Variants in CLIP1 observed in about 807,000 individuals in gnomAD.
CLIP1 encodes the protein CAP-Gly domain containing linker protein 1.
In CLIP1, 66 loss-of-function variants were observed where a neutral mutation model predicts 161.6. The observed-to-expected ratio is 0.41, with a 90% CI of 0.33 to 0.50. CLIP1 has a LOEUF of 0.50. Ranked by LOEUF, CLIP1 falls within the 20% of genes least tolerant of loss-of-function variation. The pLI is 0.27. For synonymous variants in CLIP1, 598 were observed against 626.2 expected, an observed-to-expected ratio of 0.96 and a Z score of 0.67; for missense variants, 1,376 against 1,702.0, an observed-to-expected ratio of 0.81 and a Z score of 3.37.
intron 3 of CLIP1, among the ~76,000 whole-genome samples, chr12:122,375,970 G>A (rs561654943): frequency 1.3e-5 from 2 of 151,798 alleles, no homozygotes; most frequent in African/African-American, 4.8e-5. Flanking sequence ...ATGGAGTCTT[G>A]CTTTGTTGCC....
At chr12:122,357,818 G>C (rs1953542913) in intron 5 of CLIP1, among the ~76,000 whole-genome samples, 2 of 149,402 alleles carry the variant, frequency 1.3e-5, no homozygotes, top group Admixed American at 1.3e-4. Context: ...GGAGGTGGGG[G>C]GGGTCAGCCC....
At chr12:122,346,426 G>C (rs755707230) in intron 10 of CLIP1, among the ~76,000 whole-genome samples, 1 of 152,174 alleles carries the variant, frequency 6.6e-6, no homozygotes, top group African/African-American at 2.4e-5. Context: ...CAAGGGCTAA[G>C]CACAATGAGC....
intron 1 of CLIP1, among the ~76,000 whole-genome samples, chr12:122,382,357 G>A (rs546034238): frequency 4.7e-5 from 7 of 149,430 alleles, no homozygotes; most frequent in South Asian, 4.2e-4. Context: ...GCAAAACTCC[G>A]TCTCAAAAAA....
At chr12:122,313,683 C>T (rs1285452423) in intron 19 of CLIP1, among the ~76,000 whole-genome samples, 1 of 152,072 alleles carries the variant, frequency 6.6e-6, no homozygotes, top group Non-Finnish European at 1.5e-5. Context: ...TGCCACTGCA[C>T]TCCATCCTGG....
chr12:122,362,639 C>CAAAAAA (rs56183812), intron 4 of CLIP1, among the ~76,000 whole-genome samples: 1 of 19,130 alleles, frequency 5.2e-5, no homozygotes. Flanking sequence ...GACTCCATCT[C>CAAAAAA]AAAAAAAAAA....
At chr12:122,412,354 T>G (rs917663322) in intron 1 of CLIP1, among the ~76,000 whole-genome samples, 3 of 147,994 alleles carry the variant, frequency 2.0e-5, no homozygotes, top group African/African-American at 7.4e-5. Context: ...CCAAAAAAAT[T>G]TTTTAATAAG....
chr12:122,306,629 A>G (rs1265619497), intron 20 of CLIP1, among the ~76,000 whole-genome samples: 1 of 152,188 alleles, frequency 6.6e-6, no homozygotes, highest in East Asian at 1.9e-4. Context: ...ATCAGAGGCC[A>G]TGACCTTTAA....
intron 1 of CLIP1, among the ~76,000 whole-genome samples, chr12:122,383,628 C>T (rs552528215): frequency 2.5e-4 from 38 of 152,276 alleles, no homozygotes; most frequent in Non-Finnish European, 2.8e-4. Flanking sequence ...GCAGCAACAA[C>T]GCCAGTGTTG....
At position 122,309,796 on chromosome 12, in the gene CLIP1, C is replaced by T; in HGVS notation, c.3560G>A (p.Gly1187Glu). 1.2e-6 allele frequency: 2 copies of T among 1,613,226 alleles called. No individual in the cohort carries two copies. The highest frequency in any genetic ancestry group is 1.1e-5 in the South Asian group (1 of 91,040). Residue 1187 changes from glycine (G) to glutamate (E), a missense_variant, in exon 20 of 26, where the codon GGG (glycine) becomes GAG (glutamate). Physicochemically the swap from Gly to Glu is moderately conservative, Grantham distance 98. Around this residue, in one of 6 missense-constraint regions of CLIP1, gnomAD observed 948 missense variants for 1,134.8 expected, o/e 0.84. Transcript: ENST00000620786. ...ACTTGTGACTTCGTCCCTGCTTCTC[C>T]CCAGCTCCTCAGCAAGTTTAACGTT... ...EENVKLAEEL[G>E]RSRDEVTSHQ...
intron 17 of CLIP1, among the ~76,000 whole-genome samples, chr12:122,321,436 G>A (rs1226904392): frequency 6.6e-6 from 1 of 152,058 alleles, no homozygotes; most frequent in Non-Finnish European, 1.5e-5. Context: ...AGTAGAGACA[G>A]GGTTTCACCA....
At chr12:122,348,853 AG>A (rs1246308241) in intron 9 of CLIP1, among the ~76,000 whole-genome samples, 1 of 152,214 alleles carries the variant, frequency 6.6e-6, no homozygotes, top group South Asian at 2.1e-4. Flanking sequence ...GCTTCAGTAG[AG>A]GGGGGAATGT....
chr12:122,278,040 C>G (rs575300353), intron 24 of CLIP1, 114 bp downstream of exon 24: 40 of 880,550 alleles, frequency 4.5e-5, no homozygotes, highest in Middle Eastern at 4.4e-4. Context: ...AATGCATTAC[C>G]AATTCAAAAG....
chr12:122,310,084 T>A (rs1474712325), intron 19 of CLIP1, among the ~76,000 whole-genome samples: 1 of 152,092 alleles, frequency 6.6e-6, no homozygotes, highest in Non-Finnish European at 1.5e-5. Flanking sequence ...CCACCCACAA[T>A]TATTACATTT....
chr12:122,355,580 G>A lies in CLIP1; in HGVS notation c.1006-268C>T, dbSNP rs1001800018. Reference sequence around the variant, plus strand: ...TCCTAGCACTTCAGGAGGCCAAGGCGGGTGGATCACTTGAGGCCAGGAGTT... The same window carrying A: ...TCCTAGCACTTCAGGAGGCCAAGGCAGGTGGATCACTTGAGGCCAGGAGTT... On this transcript the variant is annotated intron_variant, in intron 5 of 25. Transcript: ENST00000620786. This position sits in a 1 kb window ranked among gnomAD's most constrained non-coding sequence, Gnocchi z 4.1. 2.1e-5 allele frequency: 8 copies of A among 379,112 alleles called. No homozygotes were observed. Among genetic ancestry groups the A allele is most frequent in the Admixed American group, 4.3e-5 (1 of 23,118 alleles). 23.5% of individuals were successfully genotyped at this position (379,112 alleles called of 1,614,324 possible). A position where few individuals can be genotyped will look rare whatever the true frequency, so the allele number is the denominator to read the frequency against.
chr12:122,303,770 C>A (rs938754418), intron 20 of CLIP1, among the ~76,000 whole-genome samples: 1 of 152,112 alleles, frequency 6.6e-6, no homozygotes, highest in Non-Finnish European at 1.5e-5. Context: ...TTATGTGATA[C>A]GATCATAGAA....
At chr12:122,312,359 G>GC (rs1593039179) in intron 19 of CLIP1, among the ~76,000 whole-genome samples, 1 of 152,182 alleles carries the variant, frequency 6.6e-6, no homozygotes, top group African/African-American at 2.4e-5. Context: ...CCGAAATCAA[G>GC]CAAGAGCTTT....
rs544503896 is a variant in CLIP1, at chr12:122,396,771, A to ATT, written c.-106-16215_-106-16214dup. 333 of 141,670 alleles carry ATT rather than the reference A, an allele frequency of 2.4e-3. 1 individual carries two copies. The highest frequency in any genetic ancestry group is 7.8e-3 in the African/African-American group (301 of 38,768). The allele number at this position is 141,670 out of a possible 1,614,324, so 8.8% of individuals were successfully genotyped here. On this transcript the variant is annotated intron_variant, in intron 1 of 25. Coordinates refer to ENST00000620786, the MANE Select transcript of CLIP1 (RefSeq NM_001247997.2). Reference sequence around the variant, plus strand: ...CACCAAGACTTTTTTGTTGTTGTTTATTTTTTTTTTTTTGAGGCAGAGTCT... The same window carrying ATT: ...CACCAAGACTTTTTTGTTGTTGTTTATTTTTTTTTTTTTTTGAGGCAGAGTCT...
chr12:122,376,960 C>A (rs992606210), intron 3 of CLIP1, among the ~76,000 whole-genome samples: 14 of 151,838 alleles, frequency 9.2e-5, no homozygotes, highest in African/African-American at 2.7e-4. Flanking sequence ...AGTGGTCATC[C>A]CTCCAGAACA....
At chr12:122,387,827 C>T (rs1955393887) in intron 1 of CLIP1, among the ~76,000 whole-genome samples, 1 of 151,700 alleles carries the variant, frequency 6.6e-6, no homozygotes, top group Non-Finnish European at 1.5e-5. Flanking sequence ...CTCAAGCGAT[C>T]CTCCTGCTTC....
Sources: allele counts gnomAD v4.1 joint callset (sites outside exome capture counted in the v4.1 genomes callset), GRCh38; gene constraint gnomAD v4.1.1; regional missense constraint gnomAD v4.1.1; non-coding constraint Gnocchi (gnomAD v3.1); transcripts MANE v1.5; gene names NCBI Gene and HGNC (gene_info 2026-07-23, HGNC 2026-07-21).